Variants in ADGRE3 observed in about 807,000 individuals in gnomAD.
ADGRE3 encodes adhesion G protein-coupled receptor E3.
ADGRE3 carries 88 observed loss-of-function variants against 80.1 expected under a neutral mutation model. That is an observed-to-expected ratio of 1.10 (90% CI 0.93 to 1.31). The LOEUF is 1.31. ADGRE3 is among the 40% of genes most tolerant of loss of function. ADGRE3 has a pLI of 0.00. For synonymous variants in ADGRE3, 281 were observed against 294.8 expected, an observed-to-expected ratio of 0.95 and a Z score of 0.48; for missense variants, 715 against 776.5, an observed-to-expected ratio of 0.92 and a Z score of 0.94.
the ADGRE3 span, among the ~76,000 whole-genome samples, chr19:14,607,985 C>T: frequency 6.6e-6 from 1 of 152,122 alleles, no homozygotes; most frequent in Non-Finnish European, 1.5e-5. Flanking sequence ...ATCCTCCTGC[C>T]TCAGCCTCCC....
Position 14,651,122 on chromosome 19 carries a change from G to A in ADGRE3, c.660C>T (p.Asp220=). The A allele has an allele frequency of 6.2e-7, 1 of 1,614,026 alleles. No individual in the cohort carries two copies. Among genetic ancestry groups the A allele is most frequent in the Non-Finnish European group, 8.5e-7 (1 of 1,179,920 alleles). Residue 220 remains aspartate, a synonymous_variant, in exon 7 of 16, where the codon GAC becomes GAT. Coordinates refer to ENST00000253673, the MANE Select transcript of ADGRE3 (RefSeq NM_032571.5). ...FNLNVQMNSM[D]IRCSDIIQGD... ...CCTGGATGATGTCACTGCAACGGAT[G>A]TCCATTGAGTTCATTTGGACGTTCA...
At chr19:14,628,686 G>A (rs543855742) in intron 14 of ADGRE3, 27 of 387,880 alleles carry the variant, frequency 7.0e-5, no homozygotes, top group Non-Finnish European at 1.0e-4. Flanking sequence ...TGAGATGTGA[G>A]TTGCAAAAAC....
At position 14,620,566 on chromosome 19, in the gene ADGRE3, ATATTTTTTTTT is replaced by A. The variant is rs1970569678; in HGVS notation, c.1921-1106_1921-1096del. ...ATATATATTATATATATATATATAT[ATATTTTTTTTT>A]TTTTTTTTTTTTTTTTTTTTGAGAC... On this transcript the variant is annotated intron_variant, in intron 15 of 15. Transcript: ENST00000253673. Among the ~76,000 whole-genome samples the A allele has an allele frequency of 1.0e-3, 16 of 16,048 alleles. 2 individuals carry two copies. The highest frequency in any genetic ancestry group is 1.5e-3 in the Non-Finnish European group (14 of 9,152). 10.5% of individuals were successfully genotyped at this position (16,048 alleles called of 152,430 possible). A position where few individuals can be genotyped will look rare whatever the true frequency, so the allele number is the denominator to read the frequency against.
At chr19:14,633,142 C>A in intron 12 of ADGRE3, 94 bp downstream of exon 12, 1 of 1,333,820 alleles carries the variant, frequency 7.5e-7, no homozygotes, top group Non-Finnish European at 1.1e-6. Flanking sequence ...AATCAAACCA[C>A]CCAACAGTGG....
intron 2 of ADGRE3, among the ~76,000 whole-genome samples, chr19:14,665,616 A>G (rs1247650062): frequency 6.6e-6 from 1 of 151,746 alleles, no homozygotes; most frequent in Non-Finnish European, 1.5e-5. Context: ...CAGCCTTCTG[A>G]GTAGTTGAGA....
At chr19:14,610,400 G>C in the ADGRE3 span, 1 of 634,930 alleles carries the variant, frequency 1.6e-6, no homozygotes, top group Non-Finnish European at 2.7e-6. Context: ...CTAGTAGATG[G>C]TGAGCTGGGA....
the ADGRE3 span, among the ~76,000 whole-genome samples, chr19:14,603,938 A>G: frequency 1.3e-5 from 2 of 152,196 alleles, no homozygotes; most frequent in South Asian, 4.1e-4. Flanking sequence ...TCTAAATGTT[A>G]AAGAGTCTTC....
At chr19:14,669,399 T>C (rs1972190918) in intron 1 of ADGRE3, among the ~76,000 whole-genome samples, 1 of 152,140 alleles carries the variant, frequency 6.6e-6, no homozygotes, top group East Asian at 1.9e-4. Context: ...CAATAGACTC[T>C]GGGGACTTTG....
rs563748057 is a variant in ADGRE3, at chr19:14,673,027, GTGTGGAGGACTC to G, written c.25+1707_25+1718del. On this transcript the variant is annotated intron_variant, in intron 1 of 15. Coordinates refer to ENST00000253673, the MANE Select transcript of ADGRE3 (RefSeq NM_032571.5). ...AATTCACTAATAATCCACCTCAGAA[GTGTGGAGGACTC>G]TGTCTCCAGTTGCAAAAAGGCAGGC... 4.5e-4 allele frequency among the ~76,000 whole-genome samples: 69 copies of G among 152,292 alleles called. 1 individual carries two copies. The highest frequency in any genetic ancestry group is 1.6e-3 in the African/African-American group (68 of 41,550).
chr19:14,607,016 C>G, the ADGRE3 span: 31 of 1,306,092 alleles, frequency 2.4e-5, no homozygotes, highest in Non-Finnish European at 2.9e-5. Context: ...AGGCCCATGG[C>G]TCTCCACGGG....
chr19:14,654,917 TGCC>T, intron 6 of ADGRE3, 62 bp downstream of exon 6: 1 of 1,322,908 alleles, frequency 7.6e-7, no homozygotes, highest in Non-Finnish European at 1.0e-6. Context: ...TTTTTCTAAT[TGCC>T]TAACCCAGAT....
intron 13 of ADGRE3, 148 bp downstream of exon 13, chr19:14,632,769 GCTAA>G: frequency 1.9e-6 from 1 of 526,378 alleles, no homozygotes; most frequent in East Asian, 3.0e-5. Flanking sequence ...TTGTATTCTA[GCTAA>G]CTCAGGTTCT....
chr19:14,615,693 C>T (rs574644301), downstream of ADGRE3, among the ~76,000 whole-genome samples: 6 of 150,944 alleles, frequency 4.0e-5, no homozygotes, highest in Non-Finnish European at 5.9e-5. Flanking sequence ...ACCCGGGAGG[C>T]GAAAGTTACA....
chr19:14,654,706 G>A lies in ADGRE3; in HGVS notation c.577+276C>T, dbSNP rs921186360. On this transcript the variant is annotated intron_variant, in intron 6 of 15. Coordinates refer to ENST00000253673, the MANE Select transcript of ADGRE3 (RefSeq NM_032571.5). ...TGTACAATCTGGTGAGTTTTGTTGG[G>A]TGCACACACCTCTGAAATCAACACC... 1.1e-4 allele frequency among the ~76,000 whole-genome samples: 17 copies of A among 152,022 alleles called. No individual in the cohort carries two copies. The East Asian group carries it at 2.5e-3, about 22-fold the overall frequency.
chr19:14,663,410 T>A lies in ADGRE3; in HGVS notation c.199+8A>T. 6.5e-7 allele frequency: 1 copy of A among 1,531,614 alleles called. No homozygotes were observed. Among genetic ancestry groups the A allele is most frequent in the Non-Finnish European group, 8.9e-7 (1 of 1,127,562 alleles). The allele number at this position is 1,531,614 out of a possible 1,614,324, so 94.9% of individuals were successfully genotyped here. On this transcript the variant is annotated splice_region_variant and intron_variant, in intron 3 of 15. Transcript: ENST00000253673. ...TAATAATAATAAAAAATAATAATAC[T>A]TCTTTACCGTTACATGTCTCCAAGG...
chr19:14,644,809 T>C (rs1439974460), intron 8 of ADGRE3, among the ~76,000 whole-genome samples: 1 of 152,210 alleles, frequency 6.6e-6, no homozygotes, highest in Non-Finnish European at 1.5e-5. Flanking sequence ...CACTGCCACC[T>C]TGACCTCCCT....
chr19:14,629,814 T>C (rs1970828686), intron 14 of ADGRE3, among the ~76,000 whole-genome samples: 1 of 152,214 alleles, frequency 6.6e-6, no homozygotes, highest in Admixed American at 6.5e-5. Context: ...GAAAAAGGCA[T>C]GATTTTTTTT....
At chr19:14,667,865 T>C (rs1972146383) in intron 2 of ADGRE3, among the ~76,000 whole-genome samples, 1 of 152,186 alleles carries the variant, frequency 6.6e-6, no homozygotes, top group Admixed American at 6.5e-5. Flanking sequence ...CATTACTAGG[T>C]GTACAGTTCG....
Position 14,674,722 on chromosome 19 carries a change from A to T in ADGRE3, c.25+24T>A, listed in dbSNP as rs755231366. The T allele has an allele frequency of 1.9e-6, 3 of 1,612,008 alleles. No individual in the cohort carries two copies. In the South Asian group the frequency reaches 3.3e-5, roughly 18 times the overall value. On this transcript the variant is annotated intron_variant, in intron 1 of 15. Coordinates refer to ENST00000253673, the MANE Select transcript of ADGRE3 (RefSeq NM_032571.5). ...CTGACTGGGGGATAGGTTAAGCCTC[A>T]GTCATTGTTACAGTCACACATACCT...
Sources: allele counts gnomAD v4.1 joint callset (sites outside exome capture counted in the v4.1 genomes callset), GRCh38; gene constraint gnomAD v4.1.1; transcripts MANE v1.5; gene names NCBI Gene and HGNC (gene_info 2026-07-23, HGNC 2026-07-21).